The following RAB38 variants were observed in gnomAD, a reference collection of about 807,000 sequenced individuals.
The protein encoded by RAB38 is RAB38, member RAS oncogene family.
In RAB38, 15 loss-of-function variants were observed where a neutral mutation model predicts 18.4. The ratio of observed to expected loss-of-function variants is 0.82; its 90% CI spans 0.55 to 1.26. RAB38 has a LOEUF of 1.26. Ranked by LOEUF, RAB38 falls within the 50% of genes most tolerant of loss-of-function variation. RAB38 has a pLI of 0.00. For synonymous variants in RAB38, 101 were observed against 104.4 expected (o/e 0.97, Z 0.20); for missense variants, 294 against 267.4 (o/e 1.10, Z -0.69).
At chr11:87,956,152 T>C in the RAB38 span, among the ~76,000 whole-genome samples, 2 of 152,046 alleles carry the variant, frequency 1.3e-5, no homozygotes, top group Non-Finnish European at 2.9e-5. Flanking sequence ...AAGTAAATTA[T>C]TTAACTTATC....
the RAB38 span, among the ~76,000 whole-genome samples, chr11:87,926,178 C>G: frequency 6.6e-6 from 1 of 151,954 alleles, no homozygotes; most frequent in South Asian, 2.1e-4. Flanking sequence ...CCCTCTTTGA[C>G]TGTCATGATT....
At chr11:87,976,608 T>TGTTTTACATAATATATATA in the RAB38 span, among the ~76,000 whole-genome samples, 1 of 103,138 alleles carries the variant, frequency 9.7e-6, no homozygotes, top group Non-Finnish European at 1.8e-5. Context: ...TATAAATACA[T>TGTTTTACATAATATATATA]ATTTTACATG....
the RAB38 span, among the ~76,000 whole-genome samples, chr11:87,951,645 A>T: frequency 6.6e-6 from 1 of 151,942 alleles, no homozygotes. Flanking sequence ...GGTCTGTTGG[A>T]GTTTGCTAGA....
the RAB38 span, among the ~76,000 whole-genome samples, chr11:88,014,602 G>T: frequency 1.3e-5 from 2 of 152,096 alleles, no homozygotes; most frequent in African/African-American, 4.8e-5. Flanking sequence ...ATTAATGGTG[G>T]TGGTCATTGC....
At chr11:87,910,429 G>A in the RAB38 span, among the ~76,000 whole-genome samples, 2 of 151,628 alleles carry the variant, frequency 1.3e-5, no homozygotes, top group Non-Finnish European at 2.9e-5. Flanking sequence ...TCTTTTAGCA[G>A]CGACTTTTGA....
the RAB38 span, among the ~76,000 whole-genome samples, chr11:88,071,243 G>GACAC: frequency 0.37 from 55,474 of 148,304 alleles, 11,102 homozygotes; most frequent in Non-Finnish European, 0.46. Flanking sequence ...ACTGGGGGAG[G>GACAC]ACACACACAC....
At chr11:87,876,413 C>T in the RAB38 span, among the ~76,000 whole-genome samples, 1 of 151,588 alleles carries the variant, frequency 6.6e-6, no homozygotes, top group African/African-American at 2.4e-5. Context: ...CTCTCTATCT[C>T]CTCTTTCTTT....
At position 88,119,563 on chromosome 11, in the gene RAB38, A is replaced by C. The variant is rs188266552; in HGVS notation, c.484-5423T>G. Among the ~76,000 whole-genome samples, 1,018 of 152,138 alleles carry C rather than the reference A, an allele frequency of 6.7e-3. 11 individuals are homozygous for C. Among genetic ancestry groups the C allele is most frequent in the African/African-American group, 0.023 (968 of 41,480 alleles). On this transcript the variant is annotated intron_variant, in intron 2 of 2. Coordinates refer to ENST00000243662, the MANE Select transcript of RAB38 (RefSeq NM_022337.3). The stretch of plus-strand genomic sequence containing the variant: ...TCTTTCGGTGGAGGAAGGCACATAC[A>C]ACTAACCATCAGAGGTCCTGGTTAC...
At chr11:88,118,024 G>A (rs915386768) in intron 2 of RAB38, among the ~76,000 whole-genome samples, 1 of 152,158 alleles carries the variant, frequency 6.6e-6, no homozygotes, top group African/African-American at 2.4e-5. Context: ...TAATTGGGAT[G>A]GCCAGCTGTG....
At chr11:88,067,234 A>G in the RAB38 span, among the ~76,000 whole-genome samples, 2 of 151,980 alleles carry the variant, frequency 1.3e-5, no homozygotes. Flanking sequence ...AAAGCAAGAT[A>G]TTTTTTAAAG....
the RAB38 span, among the ~76,000 whole-genome samples, chr11:87,850,353 A>G: frequency 1.3e-5 from 2 of 152,100 alleles, no homozygotes; most frequent in Non-Finnish European, 2.9e-5. Flanking sequence ...TAGAGGTTAC[A>G]ATTTGAAAAC....
the RAB38 span, among the ~76,000 whole-genome samples, chr11:88,096,079 G>T: frequency 7.2e-6 from 1 of 139,842 alleles, no homozygotes. Context: ...TAAAATTTCG[G>T]TTATATAATT....
At chr11:87,839,613 C>A in the RAB38 span, among the ~76,000 whole-genome samples, 1 of 152,120 alleles carries the variant, frequency 6.6e-6, no homozygotes, top group African/African-American at 2.4e-5. Context: ...AAAGAAAAAA[C>A]CATCTATATT....
At chr11:88,166,621 A>G (rs1324376514) in intron 1 of RAB38, 1 of 152,112 alleles carries the variant, frequency 6.6e-6, no homozygotes, top group African/African-American at 2.4e-5. Flanking sequence ...ATATACGCTT[A>G]AATTTTAAAA....
chr11:88,024,684 A>C, the RAB38 span, among the ~76,000 whole-genome samples: 1 of 152,236 alleles, frequency 6.6e-6, no homozygotes, highest in African/African-American at 2.4e-5. Context: ...ATGTAGTACT[A>C]TTCAGCTATA....
chr11:88,150,531 T>C (rs965648331), intron 1 of RAB38, among the ~76,000 whole-genome samples: 3 of 152,080 alleles, frequency 2.0e-5, no homozygotes, highest in Non-Finnish European at 4.4e-5. Context: ...AATTATGGAG[T>C]ATGTTTAAAA....
At chr11:88,109,914 T>G (rs1942451245), downstream of RAB38, among the ~76,000 whole-genome samples, 1 of 152,156 alleles carries the variant, frequency 6.6e-6, no homozygotes, top group Admixed American at 6.5e-5. Context: ...TTTTACACTG[T>G]TGGTGGGAGT....
chr11:88,166,477 T>C (rs909184238), intron 1 of RAB38: 1 of 152,154 alleles, frequency 6.6e-6, no homozygotes. Context: ...ACAAGCTCTG[T>C]GGGCCTGAGA....
At chr11:88,032,933 T>C in the RAB38 span, among the ~76,000 whole-genome samples, 1 of 152,222 alleles carries the variant, frequency 6.6e-6, no homozygotes, top group Non-Finnish European at 1.5e-5. Flanking sequence ...CACACATATG[T>C]TTATTGTGGC....
Sources: allele counts gnomAD v4.1 joint callset (sites outside exome capture counted in the v4.1 genomes callset), GRCh38; gene constraint gnomAD v4.1.1; transcripts MANE v1.5; gene names NCBI Gene and HGNC (gene_info 2026-07-23, HGNC 2026-07-21).